Variants in SORCS3 observed in about 807,000 individuals in gnomAD.
SORCS3 encodes the protein sortilin related VPS10 domain containing receptor 3.
In SORCS3, 57 loss-of-function variants were observed where a neutral mutation model predicts 146.3. The observed-to-expected ratio is 0.39, with a 90% CI of 0.31 to 0.49. The LOEUF (loss-of-function observed/expected upper bound fraction) is 0.49, where lower values mean the gene tolerates loss of function less well. Among genes scored for constraint, SORCS3 ranks in the 20% least tolerant of loss-of-function variants. The probability of loss-of-function intolerance (pLI) is 0.92; values close to 1 mark genes in which losing one functional copy is unlikely to be tolerated. For synonymous variants in SORCS3, 653 were observed against 618.5 expected, an observed-to-expected ratio of 1.06 and a Z score of -0.83; for missense variants, 1,341 against 1,575.5, an observed-to-expected ratio of 0.85 and a Z score of 2.52.
intron 1 of SORCS3, among the ~76,000 whole-genome samples, chr10:104,772,828 C>A (rs1016568867): frequency 5.9e-5 from 9 of 152,206 alleles, no homozygotes; most frequent in Non-Finnish European, 1.3e-4. Flanking sequence ...TACCAGACTT[C>A]TGTTGCATGT....
chr10:105,242,677 T>C (rs371928971), intron 20 of SORCS3, among the ~76,000 whole-genome samples: 1,019 of 91,896 alleles, frequency 0.011, 12 homozygotes, highest in South Asian at 0.017. Context: ...TATTTATATA[T>C]ATTTATATAC....
chr10:104,916,208 T>C (rs940843594), intron 3 of SORCS3, among the ~76,000 whole-genome samples: 2 of 152,192 alleles, frequency 1.3e-5, no homozygotes, highest in African/African-American at 4.8e-5. Flanking sequence ...GGATAGAAAC[T>C]ATTATGGTCC....
chr10:105,133,677 C>G (rs915454794), intron 7 of SORCS3, among the ~76,000 whole-genome samples: 34 of 152,146 alleles, frequency 2.2e-4, no homozygotes, highest in African/African-American at 8.0e-4. Context: ...TGCAGTGGCT[C>G]ATATCTACAA....
chr10:104,977,237 TGGTGTAC>T, intron 3 of SORCS3, 91 bp from the exon 4 acceptor site: 2 of 933,572 alleles, frequency 2.1e-6, no homozygotes, highest in Middle Eastern at 3.6e-4. Flanking sequence ...TTATGTGCTA[TGGTGTAC>T]AAATACAGAT....
chr10:104,739,623 A>G (rs1464602840), intron 1 of SORCS3, among the ~76,000 whole-genome samples: 1 of 152,210 alleles, frequency 6.6e-6, no homozygotes, highest in South Asian at 2.1e-4. Flanking sequence ...GGGGAGGTCA[A>G]CAGGGCTTTC....
intron 5 of SORCS3, among the ~76,000 whole-genome samples, chr10:105,067,686 C>G (rs1430882997): frequency 2.0e-5 from 3 of 152,176 alleles, no homozygotes. Context: ...TCCTCCACCA[C>G]TACTTCCTTT....
intron 9 of SORCS3, among the ~76,000 whole-genome samples, chr10:105,155,105 A>G (rs1233388093): frequency 6.6e-6 from 1 of 152,180 alleles, no homozygotes; most frequent in African/African-American, 2.4e-5. Context: ...TTTAGTCCCC[A>G]TTCCCCTGGT....
intron 5 of SORCS3, among the ~76,000 whole-genome samples, chr10:105,082,117 T>C (rs1210339725): frequency 1.3e-5 from 2 of 152,210 alleles, no homozygotes; most frequent in Non-Finnish European, 2.9e-5. Context: ...GCATTGTGTC[T>C]AATAAGGAGG....
intron 1 of SORCS3, among the ~76,000 whole-genome samples, chr10:104,754,957 G>C (rs1173071893): frequency 6.6e-6 from 1 of 152,148 alleles, no homozygotes; most frequent in African/African-American, 2.4e-5. Flanking sequence ...ATGGAGTCAG[G>C]GTGGGTTGGA....
At chr10:105,028,984 A>G (rs1470860074) in intron 4 of SORCS3, among the ~76,000 whole-genome samples, 10 of 152,180 alleles carry the variant, frequency 6.6e-5, no homozygotes, top group South Asian at 6.2e-4. Flanking sequence ...CTCTGCCACA[A>G]CAGCTCAACT....
intron 1 of SORCS3, among the ~76,000 whole-genome samples, chr10:104,828,946 G>C (rs1189647592): frequency 6.6e-6 from 1 of 152,028 alleles, no homozygotes; most frequent in African/African-American, 2.4e-5. Context: ...AGAAATCCTT[G>C]AAAGACATTG....
At chr10:104,650,239 A>G (rs2015541602) in intron 1 of SORCS3, among the ~76,000 whole-genome samples, 1 of 152,212 alleles carries the variant, frequency 6.6e-6, no homozygotes, top group African/African-American at 2.4e-5. Flanking sequence ...CTGTGTACCA[A>G]GAGTGGAACC....
intron 1 of SORCS3, among the ~76,000 whole-genome samples, chr10:104,703,899 T>C (rs2016308340): frequency 6.6e-6 from 1 of 152,102 alleles, no homozygotes; most frequent in African/African-American, 2.4e-5. Context: ...AGGATTCATT[T>C]TGAAACATTG....
At chr10:105,059,553 A>T (rs2055469115) in intron 5 of SORCS3, among the ~76,000 whole-genome samples, 6 of 152,116 alleles carry the variant, frequency 3.9e-5, no homozygotes. Context: ...TATACATAGA[A>T]AGGGATATGA....
chr10:104,641,851 G>T lies in SORCS3; in HGVS notation c.524G>T (p.Gly175Val). 1.9e-6 allele frequency: 3 copies of T among 1,571,590 alleles called. No homozygotes were observed. In the South Asian group the frequency reaches 3.5e-5, roughly 18 times the overall value. Residue 175 changes from glycine to valine, a missense_variant, in exon 1 of 27, where the codon GGG becomes GTG. Gly to Val is a moderately radical substitution (Grantham distance 109). Transcript: ENST00000369701. This position sits in a 1 kb window ranked among gnomAD's most constrained non-coding sequence, Gnocchi z 6.4. ...GAGGTGAAGGCGCCGCGGGCTGGGGGGTCGGCGGCTGAAGACCTCCGGCTG... is the reference window on the plus strand; with the variant it reads ...GAGGTGAAGGCGCCGCGGGCTGGGGTGTCGGCGGCTGAAGACCTCCGGCTG... ...REEVKAPRAG[G>V]SAAEDLRLPS... is the part of the protein sequence containing the mutation.
intron 3 of SORCS3, among the ~76,000 whole-genome samples, chr10:104,974,738 A>T (rs950208075): frequency 2.0e-5 from 3 of 152,164 alleles, no homozygotes; most frequent in African/African-American, 7.2e-5. Flanking sequence ...TCCTGTCATT[A>T]TGATGTTAGC....
Position 105,223,109 on chromosome 10 carries a change from T to G in SORCS3, c.2735-7T>G. On this transcript the variant is annotated splice_polypyrimidine_tract_variant and splice_region_variant and intron_variant, in intron 19 of 26. Coordinates refer to ENST00000369701, the MANE Select transcript of SORCS3 (RefSeq NM_014978.3). ...TAAACACTGACTTTTTTTTTCTGTT[T>G]CCTTAGGTCCTGTGGAGCATGTTCA... 1 of 1,589,776 alleles carries G rather than the reference T, an allele frequency of 6.3e-7. No homozygotes were observed. Among genetic ancestry groups the G allele is most frequent in the Non-Finnish European group, 8.6e-7 (1 of 1,164,832 alleles).
intron 7 of SORCS3, among the ~76,000 whole-genome samples, chr10:105,138,516 A>G (rs557966337): frequency 3.9e-5 from 6 of 152,128 alleles, no homozygotes; most frequent in African/African-American, 9.7e-5. Context: ...CCTGGTTGCT[A>G]TTGTTGTCCT....
chr10:105,008,222 C>CTGTGAACAA (rs1273356433), intron 4 of SORCS3, among the ~76,000 whole-genome samples: 1 of 152,172 alleles, frequency 6.6e-6, no homozygotes, highest in African/African-American at 2.4e-5. Context: ...TTGCACAAGA[C>CTGTGAACAA]TGTGAACAAT....
Sources: gnomAD v4.1 joint callset for allele counts (sites outside exome capture counted in the v4.1 genomes callset) on GRCh38, gnomAD v4.1.1 for gene constraint, Gnocchi (gnomAD v3.1) non-coding constraint, MANE v1.5 for transcripts, NCBI Gene and HGNC (gene_info 2026-07-23, HGNC 2026-07-21) for gene names.